DLG2: variants seen among roughly 807,000 people sequenced by gnomAD.
DLG2 encodes discs large MAGUK scaffold protein 2.
A neutral mutation model predicts 132.5 loss-of-function variants in DLG2; 45 were observed. The ratio of observed to expected loss-of-function variants is 0.34; its 90% CI spans 0.27 to 0.44. The LOEUF is 0.44. Among genes scored for constraint, DLG2 ranks in the 20% least tolerant of loss-of-function variants. The pLI is 1.00. For synonymous variants in DLG2, 424 were observed against 419.6 expected (o/e 1.01, Z -0.13); for missense variants, 1,045 against 1,196.9 (o/e 0.87, Z 1.87).
At chr11:84,970,045 G>A (rs553999909) in intron 6 of DLG2, among the ~76,000 whole-genome samples, 1 of 152,144 alleles carries the variant, frequency 6.6e-6, no homozygotes, top group African/African-American at 2.4e-5. Context: ...GAGGGATAGT[G>A]TTGGGAGAAA....
intron 3 of DLG2, among the ~76,000 whole-genome samples, chr11:85,454,215 T>C (rs971558052): frequency 2.0e-5 from 3 of 151,596 alleles, no homozygotes; most frequent in Non-Finnish European, 4.4e-5. Context: ...CTGTTACTTT[T>C]TGAGTTTTAA....
intron 7 of DLG2, among the ~76,000 whole-genome samples, chr11:84,428,609 C>T (rs1276937450): frequency 1.3e-5 from 2 of 152,190 alleles, no homozygotes; most frequent in East Asian, 3.8e-4. Flanking sequence ...GTCTCTTCCG[C>T]TTCTTACAAT....
chr11:84,863,278 T>C (rs1329797185), intron 6 of DLG2, among the ~76,000 whole-genome samples: 1 of 152,114 alleles, frequency 6.6e-6, no homozygotes, highest in East Asian at 1.9e-4. Context: ...TCTTGCCATT[T>C]AGATCTTTAC....
intron 3 of DLG2, among the ~76,000 whole-genome samples, chr11:85,473,168 G>C (rs1240075117): frequency 6.6e-6 from 1 of 152,214 alleles, no homozygotes; most frequent in Non-Finnish European, 1.5e-5. Context: ...CACCTGGCTT[G>C]CCCTTGGTGG....
At chr11:84,756,075 C>T (rs2066838468) in intron 6 of DLG2, among the ~76,000 whole-genome samples, 1 of 151,974 alleles carries the variant, frequency 6.6e-6, no homozygotes, top group East Asian at 1.9e-4. Flanking sequence ...TTGAATAAAG[C>T]TGGGGATATG....
intron 7 of DLG2, among the ~76,000 whole-genome samples, chr11:84,405,772 A>G (rs1266250542): frequency 6.6e-6 from 1 of 152,202 alleles, no homozygotes; most frequent in Non-Finnish European, 1.5e-5. Context: ...GTTACTGAAC[A>G]AGTACGCAGG....
At chr11:84,346,426 A>G (rs1008574970) in intron 7 of DLG2, among the ~76,000 whole-genome samples, 1 of 152,224 alleles carries the variant, frequency 6.6e-6, no homozygotes. Context: ...TAGCTGGGTA[A>G]AAAAGTGGTA....
chr11:84,698,234 C>A (rs1032227423), intron 6 of DLG2, among the ~76,000 whole-genome samples: 11 of 131,876 alleles, frequency 8.3e-5, no homozygotes, highest in Admixed American at 3.0e-4. Flanking sequence ...CCATCTGATC[C>A]GAACTTTAAA....
intron 8 of DLG2, among the ~76,000 whole-genome samples, chr11:84,171,567 G>C (rs1446067508): frequency 6.6e-6 from 1 of 152,076 alleles, no homozygotes; most frequent in African/African-American, 2.4e-5. Flanking sequence ...TCTTTTTTAT[G>C]GCTGAATAGT....
intron 21 of DLG2, among the ~76,000 whole-genome samples, chr11:83,497,501 C>T (rs537002625): frequency 2.2e-4 from 33 of 151,820 alleles, no homozygotes; most frequent in African/African-American, 7.7e-4. Flanking sequence ...CACCATTGCA[C>T]TCCAGCCTGG....
In DLG2 at chr11:85,059,941, T is replaced by C. The variant is rs150940858; in HGVS notation, c.357+51720A>G. ...TATACTAGAGCATAGTGTTTTTTAA[T>C]TGTAGTAAAATAAAAATAACATAAA... On this transcript the variant is annotated intron_variant, in intron 6 of 27. Transcript: ENST00000376104. 2.0e-5 allele frequency among the ~76,000 whole-genome samples: 3 copies of C among 151,566 alleles called. No individual in the cohort carries two copies. In the East Asian group the frequency reaches 5.8e-4, roughly 29 times the overall value.
At chr11:84,463,486 A>C (rs2099085766) in intron 7 of DLG2, among the ~76,000 whole-genome samples, 1 of 151,128 alleles carries the variant, frequency 6.6e-6, no homozygotes, top group African/African-American at 2.4e-5. Context: ...GTTGTCTGGA[A>C]ACCACAATTG....
chr11:85,111,438 C>G (rs1007364522), intron 6 of DLG2, among the ~76,000 whole-genome samples: 1 of 152,060 alleles, frequency 6.6e-6, no homozygotes, highest in Non-Finnish European at 1.5e-5. Flanking sequence ...CCATTTAAAG[C>G]AATCCTTTCC....
chr11:85,324,645 A>C (rs182319560), intron 3 of DLG2, among the ~76,000 whole-genome samples: 87 of 152,302 alleles, frequency 5.7e-4, no homozygotes, highest in African/African-American at 2.1e-3. Context: ...CCTACAGAAA[A>C]AAGCTACACA....
chr11:83,861,223 C>G (rs2061404115), intron 16 of DLG2, among the ~76,000 whole-genome samples: 1 of 152,096 alleles, frequency 6.6e-6, no homozygotes, highest in Non-Finnish European at 1.5e-5. Context: ...AAATGACAGG[C>G]AGTTTCAAAT....
rs1379842061 is a variant in DLG2 at position 84,534,732 on chromosome 11, C to A, written c.358-1G>T. On this transcript the variant is annotated splice_acceptor_variant, in intron 6 of 27. Coordinates refer to ENST00000376104, the MANE Select transcript of DLG2 (RefSeq NM_001142699.3). LOFTEE classifies it high-confidence loss of function. ...CGTCCTCATCTTGATATCGATACTT[C>A]TAGGAGAAAAGAAAAGAAAGGACAA... 1 of 1,613,818 alleles carries A rather than the reference C, an allele frequency of 6.2e-7. No individual in the cohort carries two copies. Among genetic ancestry groups the A allele is most frequent in the East Asian group, 2.2e-5 (1 of 44,870 alleles).
At chr11:84,198,578 C>A (rs968928010) in intron 8 of DLG2, among the ~76,000 whole-genome samples, 2 of 152,048 alleles carry the variant, frequency 1.3e-5, no homozygotes, top group Non-Finnish European at 2.9e-5. Context: ...AAAATTTATA[C>A]TTTGTAAGTA....
intron 3 of DLG2, among the ~76,000 whole-genome samples, chr11:85,525,572 T>C (rs2074679754): frequency 6.6e-6 from 1 of 152,152 alleles, no homozygotes; most frequent in East Asian, 1.9e-4. Context: ...TGAAACAGGA[T>C]GGAGTAACAG....
intron 19 of DLG2, among the ~76,000 whole-genome samples, chr11:83,581,444 A>T (rs2096974630): frequency 6.6e-6 from 1 of 152,196 alleles, no homozygotes; most frequent in Non-Finnish European, 1.5e-5. Flanking sequence ...TATGTTAAAG[A>T]ATTACCCTAA....
Sources: gnomAD v4.1 joint callset for allele counts (sites outside exome capture counted in the v4.1 genomes callset) on GRCh38, gnomAD v4.1.1 for gene constraint, MANE v1.5 for transcripts, NCBI Gene and HGNC (gene_info 2026-07-23, HGNC 2026-07-21) for gene names.